The following ZNF362 variants were observed in gnomAD, a reference collection of about 807,000 sequenced individuals.
The protein encoded by ZNF362 is rotund homolog.
Under a neutral mutation model 42.9 loss-of-function variants are expected in ZNF362, and 11 were observed. The ratio of observed to expected loss-of-function variants is 0.26; its 90% confidence interval spans 0.16 to 0.42. ZNF362 has a LOEUF of 0.42. Among genes scored for constraint, ZNF362 ranks in the 20% least tolerant of loss-of-function variants. ZNF362 has a pLI of 1.00. For missense variants in ZNF362, 362 were observed against 576.2 expected (o/e 0.63, Z 3.81); for synonymous variants, 255 against 257.3 (o/e 0.99, Z 0.09).
chr1:33,294,521 CCTT>C lies in ZNF362; in HGVS notation c.909-409_909-407del, dbSNP rs1466955234. ...TGGGGCCAATTAGAGGGAGATGTCTCCTTCTTCTTAGGGAAGGAGGCTGGGTGG... is the reference window on the plus strand; with the variant it reads ...TGGGGCCAATTAGAGGGAGATGTCTCCTTCTTAGGGAAGGAGGCTGGGTGG... On this transcript the variant is annotated intron_variant, in intron 6 of 8. Coordinates refer to ENST00000539719, the MANE Select transcript of ZNF362 (RefSeq NM_152493.3). The surrounding 1 kb of genome is among the most constrained non-coding windows in gnomAD (Gnocchi z 4.2). Among the ~76,000 whole-genome samples, 2 of 152,256 alleles carry C rather than the reference CCTT, an allele frequency of 1.3e-5. No homozygotes were observed. Among genetic ancestry groups the C allele is most frequent in the South Asian group, 4.1e-4 (2 of 4,822 alleles).
intron 1 of ZNF362, among the ~76,000 whole-genome samples, chr1:33,261,053 T>A (rs192973201): frequency 5.0e-4 from 76 of 152,248 alleles, no homozygotes; most frequent in Admixed American, 2.7e-3. Context: ...ATTAACATAT[T>A]TACAGGTGAG....
In ZNF362 at chr1:33,276,468, C is replaced by T; in HGVS notation, c.223C>T (p.Pro75Ser). ...SQQPLLVPPA[P>S]AESSQAVMSL... ...GCAGCCGTTGCTAGTGCCGCCGGCA[C>T]CCGCCGAGAGCAGCCAGGCCGTCAT... Residue 75 changes from proline (P) to serine (S), a missense_variant, in exon 4 of 9, where the codon CCC becomes TCC. Transcript: ENST00000539719. 1 of 1,584,068 alleles carries T rather than the reference C, an allele frequency of 6.3e-7. No homozygotes were observed. The highest frequency in any genetic ancestry group is 1.3e-5 in the African/African-American group (1 of 74,514).
chr1:33,139,223 T>C, the ZNF362 span, among the ~76,000 whole-genome samples: 1 of 152,140 alleles, frequency 6.6e-6, no homozygotes, highest in Non-Finnish European at 1.5e-5. Flanking sequence ...TCAGTGAGGG[T>C]CGCTCTGGGG....
chr1:33,196,990 GT>G, the ZNF362 span, among the ~76,000 whole-genome samples: 2 of 152,164 alleles, frequency 1.3e-5, no homozygotes, highest in African/African-American at 4.8e-5. Context: ...ATGTGGGTGG[GT>G]GCCATCCAAT....
the ZNF362 span, among the ~76,000 whole-genome samples, chr1:33,233,224 C>T: frequency 6.6e-6 from 1 of 152,234 alleles, no homozygotes; most frequent in South Asian, 2.1e-4. Context: ...CCCCTGATTG[C>T]TCCTTCTGCC....
chr1:33,225,018 A>G, the ZNF362 span, among the ~76,000 whole-genome samples: 2 of 152,158 alleles, frequency 1.3e-5, no homozygotes, highest in Non-Finnish European at 2.9e-5. Context: ...AGATTTCCAT[A>G]TCCATTACAA....
At chr1:33,166,595 A>C in the ZNF362 span, among the ~76,000 whole-genome samples, 398 of 152,322 alleles carry the variant, frequency 2.6e-3, 1 homozygote, top group African/African-American at 9.2e-3. Context: ...AGATACAGAG[A>C]GGTCAAGAAA....
chr1:33,127,711 A>G, the ZNF362 span, among the ~76,000 whole-genome samples: 2 of 152,238 alleles, frequency 1.3e-5, no homozygotes, highest in Non-Finnish European at 2.9e-5. Context: ...TGTCCTTCTC[A>G]ACCATCAATT....
At chr1:33,149,047 A>G in the ZNF362 span, among the ~76,000 whole-genome samples, 1 of 152,060 alleles carries the variant, frequency 6.6e-6, no homozygotes, top group African/African-American at 2.4e-5. Flanking sequence ...GCTTGTTGCA[A>G]CCACCCCCAG....
chr1:33,288,793 C>A (rs1490870893), intron 6 of ZNF362, among the ~76,000 whole-genome samples: 1 of 139,472 alleles, frequency 7.2e-6, no homozygotes, highest in South Asian at 2.4e-4. Flanking sequence ...CAGGGGTGGA[C>A]TTCCCATCGC....
the ZNF362 span, among the ~76,000 whole-genome samples, chr1:33,153,441 C>T: frequency 1.3e-5 from 2 of 152,320 alleles, no homozygotes; most frequent in East Asian, 3.9e-4. Context: ...CTGGCAAAGT[C>T]CAGAGACATT....
chr1:33,128,732 GTC>G, the ZNF362 span, among the ~76,000 whole-genome samples: 1 of 152,198 alleles, frequency 6.6e-6, no homozygotes, highest in Non-Finnish European at 1.5e-5. Context: ...CCTATAACTT[GTC>G]TCTCAGACCA....
the ZNF362 span, among the ~76,000 whole-genome samples, chr1:33,157,033 C>T: frequency 6.7e-6 from 1 of 149,422 alleles, no homozygotes; most frequent in South Asian, 2.1e-4. Context: ...ATCCTTCACC[C>T]CCTTCGGTCT....
At chr1:33,215,325 A>C in the ZNF362 span, among the ~76,000 whole-genome samples, 1 of 151,952 alleles carries the variant, frequency 6.6e-6, no homozygotes, top group African/African-American at 2.4e-5. Flanking sequence ...AGAGAGTAGA[A>C]TGATGGTCAC....
chr1:33,286,112 A>G (rs1056812293), intron 6 of ZNF362, among the ~76,000 whole-genome samples: 1 of 152,164 alleles, frequency 6.6e-6, no homozygotes, highest in Admixed American at 6.5e-5. Context: ...ACAAAACCCA[A>G]TCATTGTAAG....
At chr1:33,258,125 G>A (rs1645806311) in intron 1 of ZNF362, among the ~76,000 whole-genome samples, 1 of 152,224 alleles carries the variant, frequency 6.6e-6, no homozygotes, top group Non-Finnish European at 1.5e-5. Flanking sequence ...CCTGTAGTAT[G>A]CTCTTATTCC....
At chr1:33,221,452 A>C in the ZNF362 span, among the ~76,000 whole-genome samples, 1 of 152,196 alleles carries the variant, frequency 6.6e-6, no homozygotes, top group Admixed American at 6.5e-5. Flanking sequence ...CCACACCCAC[A>C]TCACCAAGAT....
At chr1:33,130,254 C>G in the ZNF362 span, among the ~76,000 whole-genome samples, 1 of 152,208 alleles carries the variant, frequency 6.6e-6, no homozygotes, top group Non-Finnish European at 1.5e-5. Context: ...TCCCAGTATT[C>G]ACACCCTGGT....
At chr1:33,237,842 A>C in the ZNF362 span, among the ~76,000 whole-genome samples, 1 of 152,168 alleles carries the variant, frequency 6.6e-6, no homozygotes, top group Non-Finnish European at 1.5e-5. Context: ...GAAACCTCGA[A>C]GGCTGTGTTA....
Sources: gnomAD v4.1 joint callset for allele counts (sites outside exome capture counted in the v4.1 genomes callset) on GRCh38, gnomAD v4.1.1 for gene constraint, Gnocchi (gnomAD v3.1) non-coding constraint, MANE v1.5 for transcripts, NCBI Gene and HGNC (gene_info 2026-07-23, HGNC 2026-07-21) for gene names.